MROH9: variants seen among roughly 807,000 people sequenced by gnomAD.
MROH9 encodes the protein maestro heat-like repeat-containing protein family member 9.
MROH9 carries 92 observed loss-of-function variants against 98.2 expected under a neutral mutation model. The observed-to-expected ratio is 0.94, with a 90% CI of 0.79 to 1.11. The LOEUF (loss-of-function observed/expected upper bound fraction) is 1.11, where lower values mean the gene tolerates loss of function less well. Ranked by LOEUF, MROH9 falls within the 50% of genes most tolerant of loss-of-function variation. The probability of loss-of-function intolerance (pLI) is 0.00; values close to 1 mark genes in which losing one functional copy is unlikely to be tolerated. For synonymous variants in MROH9, 397 were observed against 368.9 expected (o/e 1.08, Z -0.87); for missense variants, 1,057 against 1,014.8 (o/e 1.04, Z -0.57).
At chr1:170,981,352 A>C (rs1336644277) in intron 8 of MROH9, among the ~76,000 whole-genome samples, 2 of 152,204 alleles carry the variant, frequency 1.3e-5, no homozygotes, top group Non-Finnish European at 2.9e-5. Flanking sequence ...AAAGACATGG[A>C]ACCAACCCAA....
At chr1:170,985,836 C>T (rs554326482) in intron 9 of MROH9, among the ~76,000 whole-genome samples, 1 of 152,100 alleles carries the variant, frequency 6.6e-6, no homozygotes, top group Non-Finnish European at 1.5e-5. Context: ...ATCATCAATT[C>T]TCACTCAGAC....
chr1:171,014,384 C>T, intron 16 of MROH9, 130 bp downstream of exon 16: 1 of 791,316 alleles, frequency 1.3e-6, no homozygotes, highest in African/African-American at 1.7e-5. Context: ...ATATCAAAGC[C>T]TGCTGTTTTA....
intron 17 of MROH9, among the ~76,000 whole-genome samples, chr1:171,019,078 A>C (rs145511364): frequency 7.2e-4 from 110 of 152,364 alleles, no homozygotes; most frequent in African/African-American, 2.5e-3. Flanking sequence ...TAAAACACTC[A>C]TCAGCAAATT....
At chr1:171,009,508 A>G (rs977139381) in intron 15 of MROH9, among the ~76,000 whole-genome samples, 6 of 152,214 alleles carry the variant, frequency 3.9e-5, no homozygotes, top group African/African-American at 1.4e-4. Flanking sequence ...ATCCTATTAG[A>G]TGCCAGGGTT....
chr1:170,998,365 C>T (rs1396618074), intron 15 of MROH9, 91 bp downstream of exon 15: 7 of 1,611,598 alleles, frequency 4.3e-6, no homozygotes, highest in Non-Finnish European at 5.9e-6. Flanking sequence ...ATCTCTCCCT[C>T]TGAATGTTGG....
intron 3 of MROH9, among the ~76,000 whole-genome samples, chr1:170,952,052 A>G (rs1239507741): frequency 6.6e-6 from 1 of 151,952 alleles, no homozygotes; most frequent in Non-Finnish European, 1.5e-5. Context: ...ATAATGAGAT[A>G]CCATCTCACA....
intron 8 of MROH9, among the ~76,000 whole-genome samples, chr1:170,973,186 T>C (rs1364739831): frequency 6.6e-6 from 1 of 151,984 alleles, no homozygotes; most frequent in Non-Finnish European, 1.5e-5. Flanking sequence ...AGAGCCCCCT[T>C]TAAGTATTTA....
intron 6 of MROH9, among the ~76,000 whole-genome samples, chr1:170,964,308 G>C (rs1414128354): frequency 6.6e-6 from 1 of 151,888 alleles, no homozygotes; most frequent in Non-Finnish European, 1.5e-5. Context: ...AAGCTTCCCT[G>C]CTTCTCAAAA....
intron 12 of MROH9, among the ~76,000 whole-genome samples, chr1:170,994,053 G>C (rs967643379): frequency 6.6e-6 from 1 of 152,160 alleles, no homozygotes; most frequent in Non-Finnish European, 1.5e-5. Flanking sequence ...CATTGTCACT[G>C]TATTGACTTT....
intron 17 of MROH9, among the ~76,000 whole-genome samples, chr1:171,017,410 C>A (rs963243279): frequency 2.0e-5 from 3 of 152,214 alleles, no homozygotes; most frequent in Non-Finnish European, 4.4e-5. Context: ...CCTGGGAAAA[C>A]GTGTTTTTTC....
At chr1:171,039,783 CAG>C (rs1219418936) in intron 20 of MROH9, among the ~76,000 whole-genome samples, 6 of 152,036 alleles carry the variant, frequency 3.9e-5, no homozygotes, top group African/African-American at 1.4e-4. Flanking sequence ...CAAAATCAAA[CAG>C]AAAGAAAAGC....
intron 7 of MROH9, among the ~76,000 whole-genome samples, chr1:170,969,633 G>T (rs1049650396): frequency 1.3e-5 from 2 of 152,024 alleles, no homozygotes; most frequent in Non-Finnish European, 2.9e-5. Context: ...CCATAGAAGT[G>T]GTTGCTTCTG....
intron 3 of MROH9, among the ~76,000 whole-genome samples, chr1:170,949,627 T>C (rs1031740255): frequency 6.6e-6 from 1 of 151,894 alleles, no homozygotes; most frequent in Non-Finnish European, 1.5e-5. Context: ...GGCTGGTGTT[T>C]CAAAATTTAA....
At chr1:170,979,676 G>T (rs764674303) in intron 8 of MROH9, among the ~76,000 whole-genome samples, 2 of 152,106 alleles carry the variant, frequency 1.3e-5, no homozygotes, top group Non-Finnish European at 2.9e-5. Flanking sequence ...CTCTTTGAAA[G>T]ATACTGTTAA....
intron 10 of MROH9, among the ~76,000 whole-genome samples, chr1:170,987,324 C>G (rs1557886140): frequency 2.0e-5 from 3 of 152,106 alleles, no homozygotes; most frequent in African/African-American, 7.2e-5. Context: ...TAATTGAAAT[C>G]CCCTGTGTAT....
At chr1:170,987,999 A>G (rs951356695) in intron 10 of MROH9, among the ~76,000 whole-genome samples, 1 of 152,196 alleles carries the variant, frequency 6.6e-6, no homozygotes, top group African/African-American at 2.4e-5. Context: ...TGTGAACACC[A>G]CATGTGAATG....
intron 1 of MROH9, among the ~76,000 whole-genome samples, chr1:170,942,533 T>C (rs11484828): frequency 0.024 from 3,728 of 152,220 alleles, 155 homozygotes; most frequent in African/African-American, 0.084. Flanking sequence ...AAGTCTTTGA[T>C]AGGGTAGGCC....
chr1:170,961,383 T>C (rs960006928), intron 5 of MROH9, among the ~76,000 whole-genome samples: 1 of 152,164 alleles, frequency 6.6e-6, no homozygotes, highest in Non-Finnish European at 1.5e-5. Context: ...ACAAAACTAT[T>C]AGCCAGGGCT....
chr1:171,008,554 G>C (rs998260113), intron 15 of MROH9, among the ~76,000 whole-genome samples: 2 of 152,156 alleles, frequency 1.3e-5, no homozygotes, highest in African/African-American at 4.8e-5. Flanking sequence ...GAAGAAGGCT[G>C]TAGTTAAAAT....
Sources: allele counts gnomAD v4.1 joint callset (sites outside exome capture counted in the v4.1 genomes callset), GRCh38; gene constraint gnomAD v4.1.1; transcripts MANE v1.5; gene names NCBI Gene and HGNC (gene_info 2026-07-23, HGNC 2026-07-21).